The following SNX2 variants were observed in gnomAD, a reference collection of about 807,000 sequenced individuals.
SNX2 encodes the protein sorting nexin-2.
SNX2 carries 25 observed loss-of-function variants against 69.9 expected under a neutral mutation model. The ratio of observed to expected loss-of-function variants is 0.36; its 90% CI spans 0.26 to 0.50. SNX2 has a LOEUF of 0.50. SNX2 is among the 20% of genes least tolerant of loss of function. The pLI, the probability that SNX2 is intolerant of heterozygous loss-of-function variation, is 0.97. For synonymous variants in SNX2, 229 were observed against 200.4 expected (o/e 1.14, Z -1.20); for missense variants, 551 against 613.3 (o/e 0.90, Z 1.07).
chr5:122,815,371 C>A (rs1420274215), intron 7 of SNX2, among the ~76,000 whole-genome samples: 1 of 152,094 alleles, frequency 6.6e-6, no homozygotes, highest in Non-Finnish European at 1.5e-5. Flanking sequence ...AAATTTAGTT[C>A]TTGTCAAGTG....
chr5:122,808,465 C>A, intron 7 of SNX2, 110 bp downstream of exon 7: 1 of 711,426 alleles, frequency 1.4e-6, no homozygotes, highest in Non-Finnish European at 2.2e-6. Context: ...TTCCAAAGTA[C>A]CACTTGGTGG....
intron 1 of SNX2, among the ~76,000 whole-genome samples, chr5:122,779,029 G>A (rs182173069): frequency 3.3e-4 from 50 of 152,218 alleles, no homozygotes; most frequent in African/African-American, 1.1e-3. Flanking sequence ...TCCTTAAATG[G>A]TGCAACCCTA....
At position 122,832,317 on chromosome 5, in the gene SNX2, ATT is replaced by A. The variant is rs1754309997; in HGVS notation, c.*2672_*2673del. 6.6e-6 allele frequency: 1 copy of A among 152,210 alleles called. No homozygotes were observed. The highest frequency in any genetic ancestry group is 6.5e-5 in the Admixed American group (1 of 15,282). The allele number at this position is 152,210 out of a possible 1,614,324, so 9.4% of individuals were successfully genotyped here. ...CTGAAGTGCCTTTCTACTTTAAAAT[ATT>A]TTGTTTAAAATATCAAACTTCAATA... On this transcript the variant is annotated 3_prime_UTR_variant, in exon 15 of 15. Transcript: ENST00000379516.
chr5:122,798,772 T>C (rs1753442870), intron 2 of SNX2, among the ~76,000 whole-genome samples: 1 of 152,200 alleles, frequency 6.6e-6, no homozygotes, highest in Non-Finnish European at 1.5e-5. Flanking sequence ...ATTTTTTCTC[T>C]ACCCATTTCA....
chr5:122,811,710 A>G (rs945170721), intron 7 of SNX2, among the ~76,000 whole-genome samples: 4 of 152,078 alleles, frequency 2.6e-5, no homozygotes, highest in Admixed American at 6.6e-5. Context: ...GCGTGCCTGT[A>G]GTCACAGCTA....
At chr5:122,815,668 CTT>C (rs1254327769) in intron 7 of SNX2, 2 of 301,266 alleles carry the variant, frequency 6.6e-6, no homozygotes, top group Non-Finnish European at 1.2e-5. Flanking sequence ...TGCCATTTCT[CTT>C]TTTACGTAAT....
intron 11 of SNX2, among the ~76,000 whole-genome samples, chr5:122,822,678 GTA>G (rs1754051354): frequency 6.6e-6 from 1 of 152,122 alleles, no homozygotes; most frequent in Admixed American, 6.5e-5. Context: ...TTCCTCTTTT[GTA>G]TAGTACATGG....
At chr5:122,775,356 C>A (rs556090410) in intron 1 of SNX2, 145 bp downstream of exon 1, 4 of 1,380,532 alleles carry the variant, frequency 2.9e-6, no homozygotes, top group Admixed American at 6.1e-5. Flanking sequence ...ACCTCCGGTG[C>A]CTGTCAGAGG....
At chr5:122,775,036 C>T, upstream of SNX2, 2 of 1,442,962 alleles carry the variant, frequency 1.4e-6, no homozygotes, top group Non-Finnish European at 1.8e-6. Context: ...TCGGCGCGGG[C>T]CCAGCCGTGC....
At position 122,827,606 on chromosome 5, in the gene SNX2, T is replaced by C. The variant is rs1388810103; in HGVS notation, c.1469T>C (p.Ile490Thr). 2 of 1,613,360 alleles carry C rather than the reference T, an allele frequency of 1.2e-6. No homozygotes were observed. The highest frequency in any genetic ancestry group is 1.3e-5 in the African/African-American group (1 of 74,904). Residue 490 changes from isoleucine (I) to threonine (T), a missense_variant, in exon 14 of 15, where the codon ATC becomes ACC. Physicochemically the swap from Ile to Thr is moderately conservative, Grantham distance 89. Around this residue, in one of 2 missense-constraint regions of SNX2, gnomAD observed 360 missense variants for 450.4 expected, o/e 0.80. Coordinates refer to ENST00000379516, the MANE Select transcript of SNX2 (RefSeq NM_003100.4). The part of the protein sequence containing the change: ...KERVKDFKTV[I>T]IKYLESLVQT... ...CGAGTGAAGGATTTTAAAACCGTTA[T>C]CATCAAGTACTTAGAATCACTAGTT...
chr5:122,815,691 G>C, intron 7 of SNX2: 1 of 352,754 alleles, frequency 2.8e-6, no homozygotes, highest in Non-Finnish European at 5.1e-6. Context: ...TATGAAAACT[G>C]GATAGTATAT....
chr5:122,794,323 C>CA (rs1266756729), intron 1 of SNX2, among the ~76,000 whole-genome samples: 6 of 143,554 alleles, frequency 4.2e-5, no homozygotes, highest in East Asian at 2.5e-4. Context: ...AACAAACAAA[C>CA]AAACAAAAAA....
In SNX2 at chr5:122,830,276, T is replaced by A. The variant is rs1489693584; in HGVS notation, c.*628T>A. Among the ~76,000 whole-genome samples, 1 of 152,210 alleles carries A rather than the reference T, an allele frequency of 6.6e-6. No homozygotes were observed. Among genetic ancestry groups the A allele is most frequent in the Non-Finnish European group, 1.5e-5 (1 of 68,024 alleles). The stretch of plus-strand genomic sequence containing the variant: ...ATGACTAAATGAAGCTTAAGTTTTC[T>A]TATGAAACCATCATAAATCAAAGAA... On this transcript the variant is annotated 3_prime_UTR_variant, in exon 15 of 15. Coordinates refer to ENST00000379516, the MANE Select transcript of SNX2 (RefSeq NM_003100.4).
intron 1 of SNX2, among the ~76,000 whole-genome samples, chr5:122,790,786 T>G (rs1753216223): frequency 6.6e-6 from 1 of 152,202 alleles, no homozygotes. Context: ...ATATCTGGAT[T>G]TCTGAATTGG....
chr5:122,797,907 A>G lies in SNX2; in HGVS notation c.227-1785A>G, dbSNP rs372577184. Among the ~76,000 whole-genome samples, 34 of 152,308 alleles carry G rather than the reference A, an allele frequency of 2.2e-4. 3 individuals are homozygous for G. The highest frequency in any genetic ancestry group is 3.9e-4 in the East Asian group (2 of 5,186). Reference sequence around the variant, plus strand: ...ATATATGTTGAATCTAAATCCTACAATTTTTGAATGAAGCAGCCTGTTAGT... The same window carrying G: ...ATATATGTTGAATCTAAATCCTACAGTTTTTGAATGAAGCAGCCTGTTAGT... On this transcript the variant is annotated intron_variant, in intron 2 of 14. Coordinates refer to ENST00000379516, the MANE Select transcript of SNX2 (RefSeq NM_003100.4).
rs1417280361 is a variant in SNX2, at chr5:122,802,070, T to A, written c.458-11T>A. 2.5e-6 allele frequency: 4 copies of A among 1,610,538 alleles called. No individual in the cohort carries two copies. The highest frequency in any genetic ancestry group is 2.5e-6 in the Non-Finnish European group (3 of 1,176,990). On this transcript the variant is annotated splice_polypyrimidine_tract_variant and intron_variant, in intron 4 of 14. Transcript: ENST00000379516. ...TGTGATTTTAATAGTAGTGTTTGAC[T>A]TTTTTTGCAGGTGATGGCATGAATG...
At chr5:122,823,038 A>G (rs572549263) in intron 11 of SNX2, among the ~76,000 whole-genome samples, 1 of 152,284 alleles carries the variant, frequency 6.6e-6, no homozygotes, top group East Asian at 1.9e-4. Flanking sequence ...AAATTTCCTG[A>G]TGGGCCAAAA....
chr5:122,797,512 T>A (rs1000636795), intron 2 of SNX2, among the ~76,000 whole-genome samples: 1 of 152,206 alleles, frequency 6.6e-6, no homozygotes, highest in East Asian at 1.9e-4. Flanking sequence ...TGGTTCTTAT[T>A]TATAATACAT....
At chr5:122,786,621 C>G (rs1414769168) in intron 1 of SNX2, among the ~76,000 whole-genome samples, 1 of 152,008 alleles carries the variant, frequency 6.6e-6, no homozygotes, top group Non-Finnish European at 1.5e-5. Flanking sequence ...GCTTGGAAGT[C>G]ATTGCTGCGC....
Sources: gnomAD v4.1 joint callset for allele counts (sites outside exome capture counted in the v4.1 genomes callset) on GRCh38, gnomAD v4.1.1 for gene constraint, gnomAD v4.1.1 regional missense constraint, MANE v1.5 for transcripts, NCBI Gene and HGNC (gene_info 2026-07-23, HGNC 2026-07-21) for gene names.